PARD3B: variants seen among roughly 807,000 people sequenced by gnomAD.
PARD3B encodes the protein par-3 family cell polarity regulator beta.
In PARD3B, 103 loss-of-function variants were observed where a neutral mutation model predicts 130.2. The ratio of observed to expected loss-of-function variants is 0.79; its 90% CI spans 0.67 to 0.93. The LOEUF (loss-of-function observed/expected upper bound fraction) is 0.93. Ranked by LOEUF, PARD3B falls within the 40% of genes least tolerant of loss-of-function variation. The pLI, the probability that PARD3B is intolerant of heterozygous loss-of-function variation, is 0.00. For synonymous variants in PARD3B, 583 were observed against 553.2 expected (o/e 1.05, Z -0.76); for missense variants, 1,609 against 1,499.2 (o/e 1.07, Z -1.21).
chr2:205,394,114 G>T (rs1313219539), intron 18 of PARD3B, among the ~76,000 whole-genome samples: 1 of 152,068 alleles, frequency 6.6e-6, no homozygotes, highest in African/African-American at 2.4e-5. Flanking sequence ...TGGCTGCTCA[G>T]TAAGGAATGA....
At chr2:205,391,162 G>C (rs2045845570) in intron 18 of PARD3B, among the ~76,000 whole-genome samples, 1 of 152,160 alleles carries the variant, frequency 6.6e-6, no homozygotes, top group Non-Finnish European at 1.5e-5. Flanking sequence ...GTGAAGTATG[G>C]TTTGGTCTCA....
intron 1 of PARD3B, among the ~76,000 whole-genome samples, chr2:204,553,696 A>G (rs2030704003): frequency 9.1e-6 from 1 of 110,284 alleles, no homozygotes; most frequent in South Asian, 2.6e-4. Context: ...ATATATATAT[A>G]CACACATATA....
intron 2 of PARD3B, among the ~76,000 whole-genome samples, chr2:204,948,095 G>A (rs1689479987): frequency 6.6e-6 from 1 of 152,168 alleles, no homozygotes; most frequent in Non-Finnish European, 1.5e-5. Flanking sequence ...CAATACATAT[G>A]TGTTGGTATG....
At chr2:205,285,178 G>A (rs1462351287) in intron 16 of PARD3B, among the ~76,000 whole-genome samples, 1 of 152,104 alleles carries the variant, frequency 6.6e-6, no homozygotes, top group Non-Finnish European at 1.5e-5. Context: ...GCTGACGTTT[G>A]TAAAAGGCAG....
chr2:204,926,640 A>G (rs1687644508), intron 2 of PARD3B, among the ~76,000 whole-genome samples: 2 of 152,052 alleles, frequency 1.3e-5, no homozygotes, highest in South Asian at 2.1e-4. Flanking sequence ...TTTCTCTCGG[A>G]AGCAAACTAG....
intron 4 of PARD3B, among the ~76,000 whole-genome samples, chr2:205,074,685 C>T (rs1305395616): frequency 2.0e-5 from 3 of 152,106 alleles, no homozygotes; most frequent in Admixed American, 1.3e-4. Flanking sequence ...CATTGTGCAT[C>T]GCAAAATTTA....
chr2:205,168,535 C>A (rs952710705), intron 11 of PARD3B, among the ~76,000 whole-genome samples: 1 of 152,094 alleles, frequency 6.6e-6, no homozygotes, highest in Non-Finnish European at 1.5e-5. Flanking sequence ...ATGGGACATA[C>A]ACAATTTTGA....
chr2:205,255,427 G>A (rs923806720), intron 16 of PARD3B, among the ~76,000 whole-genome samples: 2 of 152,106 alleles, frequency 1.3e-5, no homozygotes, highest in Admixed American at 1.3e-4. Flanking sequence ...ACACTGACCA[G>A]TTCTCCAGTG....
chr2:205,278,073 T>G (rs1057421224), intron 16 of PARD3B, among the ~76,000 whole-genome samples: 4 of 152,028 alleles, frequency 2.6e-5, no homozygotes, highest in Non-Finnish European at 4.4e-5. Context: ...GTAGGAAGGG[T>G]TAAGCAAAGG....
intron 2 of PARD3B, among the ~76,000 whole-genome samples, chr2:204,845,109 A>C (rs1315562181): frequency 1.3e-5 from 2 of 152,164 alleles, no homozygotes; most frequent in Admixed American, 6.5e-5. Context: ...AGCATGTGTT[A>C]AACTGGAAGT....
rs557624449 is a variant in PARD3B, at chr2:205,014,273, G to A, written c.395-33308G>A. On this transcript the variant is annotated intron_variant, in intron 3 of 22. Coordinates refer to ENST00000406610, the MANE Select transcript of PARD3B (RefSeq NM_001302769.2). ...ATTTCCTGACAGCTGGCCTTGGACCGTGGCTGCTTTAACCTCTCTGCAGGG... is the reference window on the plus strand; with the variant it reads ...ATTTCCTGACAGCTGGCCTTGGACCATGGCTGCTTTAACCTCTCTGCAGGG... Among the ~76,000 whole-genome samples the A allele has an allele frequency of 5.3e-5, 8 of 152,318 alleles. No homozygotes were observed. The East Asian group carries it at 9.7e-4, about 18-fold the overall frequency.
intron 18 of PARD3B, among the ~76,000 whole-genome samples, chr2:205,338,632 C>G (rs988550173): frequency 7.9e-5 from 12 of 152,120 alleles, no homozygotes; most frequent in Admixed American, 3.3e-4. Flanking sequence ...GTAATTACTT[C>G]TGCTTAATTC....
chr2:204,954,585 C>T (rs1690074353), intron 2 of PARD3B, among the ~76,000 whole-genome samples: 2 of 152,156 alleles, frequency 1.3e-5, no homozygotes, highest in East Asian at 3.9e-4. Context: ...ATTTGCAGTC[C>T]ACTCGCTACC....
At chr2:204,902,005 C>T (rs560618450) in intron 2 of PARD3B, among the ~76,000 whole-genome samples, 59 of 152,248 alleles carry the variant, frequency 3.9e-4, no homozygotes, top group Admixed American at 8.5e-4. Context: ...TCTTCCCCTC[C>T]TCTCCTCAAG....
At chr2:205,086,624 C>T (rs747233291) in intron 4 of PARD3B, among the ~76,000 whole-genome samples, 1 of 152,070 alleles carries the variant, frequency 6.6e-6, no homozygotes, top group Non-Finnish European at 1.5e-5. Context: ...CTACTTTATA[C>T]GTTTCATGAC....
chr2:205,579,701 G>A (rs757615541), intron 22 of PARD3B, among the ~76,000 whole-genome samples: 2 of 152,180 alleles, frequency 1.3e-5, no homozygotes, highest in Non-Finnish European at 2.9e-5. Flanking sequence ...ACAGTTAAAG[G>A]ATTCCCTTTT....
intron 2 of PARD3B, among the ~76,000 whole-genome samples, chr2:204,784,212 T>C (rs1308584974): frequency 1.3e-5 from 2 of 152,208 alleles, no homozygotes; most frequent in Non-Finnish European, 2.9e-5. Flanking sequence ...TTTTGCTTTG[T>C]TGTAAATCCT....
Position 204,642,775 on chromosome 2 carries a change from C to G in PARD3B, c.121-43406C>G, listed in dbSNP as rs368307479. On this transcript the variant is annotated intron_variant, in intron 1 of 22. Coordinates refer to ENST00000406610, the MANE Select transcript of PARD3B (RefSeq NM_001302769.2). Reference sequence around the variant, plus strand: ...ATTGAATCATGGAGCAGACTTCCCCCTTGCTGTTCTTGTATTCTCACAAGA... The same window carrying G: ...ATTGAATCATGGAGCAGACTTCCCCGTTGCTGTTCTTGTATTCTCACAAGA... Among the ~76,000 whole-genome samples, 30 of 151,906 alleles carry G rather than the reference C, an allele frequency of 2.0e-4. No individual in the cohort carries two copies. In the East Asian group the frequency reaches 5.7e-3, roughly 29 times the overall value.
chr2:204,609,201 A>G (rs1574543237), intron 1 of PARD3B, among the ~76,000 whole-genome samples: 1 of 152,186 alleles, frequency 6.6e-6, no homozygotes, highest in East Asian at 1.9e-4. Context: ...TATCAAGTTA[A>G]AGCATAATGT....
Sources: gnomAD v4.1 joint callset for allele counts (sites outside exome capture counted in the v4.1 genomes callset) on GRCh38, gnomAD v4.1.1 for gene constraint, MANE v1.5 for transcripts, NCBI Gene and HGNC (gene_info 2026-07-23, HGNC 2026-07-21) for gene names.